The following SPATA17 variants were observed in gnomAD, a reference collection of about 807,000 sequenced individuals.
SPATA17 encodes spermatogenesis-associated protein 17.
Under a neutral mutation model 62.2 loss-of-function variants are expected in SPATA17, and 53 were observed. The observed-to-expected ratio is 0.85, with a 90% CI of 0.68 to 1.07. The LOEUF (loss-of-function observed/expected upper bound fraction) is 1.07, where lower values mean the gene tolerates loss of function less well. SPATA17 is among the 50% of genes least tolerant of loss of function. The probability of loss-of-function intolerance (pLI) is 0.00; values close to 1 mark genes in which losing one functional copy is unlikely to be tolerated. For missense variants in SPATA17, 466 were observed against 425.5 expected (o/e 1.10, Z -0.84); for synonymous variants, 146 against 146.8 (o/e 0.99, Z 0.04).
intron 5 of SPATA17, among the ~76,000 whole-genome samples, chr1:217,701,665 G>A (rs1379860954): frequency 6.6e-6 from 1 of 152,090 alleles, no homozygotes; most frequent in Non-Finnish European, 1.5e-5. Flanking sequence ...GTGACTAGAG[G>A]TGTGAGCCAT....
intron 3 of SPATA17, among the ~76,000 whole-genome samples, chr1:217,657,717 C>T (rs190730507): frequency 6.6e-6 from 1 of 152,248 alleles, no homozygotes; most frequent in Admixed American, 6.5e-5. Flanking sequence ...AATAGAACCT[C>T]CTCTAACTAA....
intron 6 of SPATA17, among the ~76,000 whole-genome samples, chr1:217,755,084 CAGAA>C (rs1245272204): frequency 2.0e-5 from 3 of 151,856 alleles, no homozygotes; most frequent in Non-Finnish European, 4.4e-5. Flanking sequence ...TTAAAATACA[CAGAA>C]AGTTTGCTTA....
At chr1:217,704,599 T>A (rs1671690200) in intron 5 of SPATA17, among the ~76,000 whole-genome samples, 1 of 152,194 alleles carries the variant, frequency 6.6e-6, no homozygotes. Flanking sequence ...CCCTTCTTTG[T>A]GTCCATATGT....
intron 5 of SPATA17, among the ~76,000 whole-genome samples, chr1:217,709,977 G>A (rs1671820598): frequency 2.0e-5 from 3 of 152,000 alleles, no homozygotes; most frequent in Non-Finnish European, 1.5e-5. Flanking sequence ...TCTATCTTTG[G>A]GGGTTAAATC....
intron 3 of SPATA17, among the ~76,000 whole-genome samples, chr1:217,652,944 ACCCAGAACTGTGATTGG>A (rs369018332): frequency 5.9e-5 from 9 of 152,200 alleles, no homozygotes; most frequent in African/African-American, 1.9e-4. Flanking sequence ...TACGTAAAAT[ACCCAGAACTGTGATTGG>A]CACCTAGTCG....
At chr1:217,729,756 T>C (rs1009528639) in intron 5 of SPATA17, among the ~76,000 whole-genome samples, 1 of 152,210 alleles carries the variant, frequency 6.6e-6, no homozygotes, top group Non-Finnish European at 1.5e-5. Flanking sequence ...ACATAATCCA[T>C]GTAATCACTT....
intron 9 of SPATA17, among the ~76,000 whole-genome samples, chr1:217,849,521 A>AAT (rs149312082): frequency 0.032 from 4,853 of 152,230 alleles, 256 homozygotes; most frequent in African/African-American, 0.11. Flanking sequence ...ATGAAAACTA[A>AAT]ATATATATAA....
chr1:217,727,035 G>A (rs1672278177), intron 5 of SPATA17, among the ~76,000 whole-genome samples: 1 of 151,736 alleles, frequency 6.6e-6, no homozygotes, highest in Non-Finnish European at 1.5e-5. Flanking sequence ...ATCACCTGAG[G>A]TCAGGAGTTA....
At chr1:217,782,888 C>G (rs1423659968) in intron 8 of SPATA17, among the ~76,000 whole-genome samples, 2 of 151,806 alleles carry the variant, frequency 1.3e-5, no homozygotes, top group African/African-American at 4.8e-5. Flanking sequence ...CTTTCTCTCT[C>G]TTAAGACACT....
intron 6 of SPATA17, among the ~76,000 whole-genome samples, chr1:217,772,980 G>A (rs1413313689): frequency 6.6e-6 from 1 of 151,900 alleles, no homozygotes; most frequent in East Asian, 1.9e-4. Context: ...GGGATGGGAC[G>A]TTGCATTTGG....
chr1:217,763,912 C>G (rs1673236682), intron 6 of SPATA17, among the ~76,000 whole-genome samples: 1 of 152,018 alleles, frequency 6.6e-6, no homozygotes, highest in Non-Finnish European at 1.5e-5. Flanking sequence ...AAAAAATAGG[C>G]TTTATATTTT....
chr1:217,747,548 C>T (rs543530159), intron 6 of SPATA17, among the ~76,000 whole-genome samples: 71 of 152,116 alleles, frequency 4.7e-4, no homozygotes, highest in African/African-American at 1.5e-3. Flanking sequence ...GAATTATACA[C>T]GGCAATAGTT....
chr1:217,650,656 TCAGGTGATCCAACCGCCTTGGCC>T (rs1441983053), intron 2 of SPATA17, among the ~76,000 whole-genome samples: 1 of 152,062 alleles, frequency 6.6e-6, no homozygotes, highest in Non-Finnish European at 1.5e-5. Flanking sequence ...ACTCCTAAGC[TCAGGTGATCCAACCGCCTTGGCC>T]TCCCAAAGTG....
At chr1:217,663,010 T>G (rs947647053) in intron 3 of SPATA17, among the ~76,000 whole-genome samples, 7 of 152,174 alleles carry the variant, frequency 4.6e-5, no homozygotes, top group African/African-American at 1.7e-4. Flanking sequence ...AATTTAAAAC[T>G]TTAACAACAC....
rs1016362184 is a variant in SPATA17 at position 217,685,090 on chromosome 1, A to G, written c.395+1729A>G. ...GGCTGACTTTAGCTTGTCAGGAGGA[A>G]GAGCTAGTAGAGTTTGCAAGGAGAA... On this transcript the variant is annotated intron_variant, in intron 5 of 10. Coordinates refer to ENST00000366933, the MANE Select transcript of SPATA17 (RefSeq NM_138796.4). Among the ~76,000 whole-genome samples, 37 of 131,862 alleles carry G rather than the reference A, an allele frequency of 2.8e-4. 1 individual carries two copies. The highest frequency in any genetic ancestry group is 1.0e-3 in the African/African-American group (34 of 33,322). 86.5% of individuals were successfully genotyped at this position (131,862 alleles called of 152,430 possible).
At chr1:217,775,817 T>G (rs1017293146) in intron 7 of SPATA17, among the ~76,000 whole-genome samples, 1 of 152,054 alleles carries the variant, frequency 6.6e-6, no homozygotes, top group Non-Finnish European at 1.5e-5. Context: ...ATAATAAACA[T>G]AAAGTAATTT....
At chr1:217,715,012 G>GT (rs1671970407) in intron 5 of SPATA17, among the ~76,000 whole-genome samples, 1 of 152,058 alleles carries the variant, frequency 6.6e-6, no homozygotes, top group South Asian at 2.1e-4. Flanking sequence ...TGAAACTAAA[G>GT]TATGTTGAAT....
At chr1:217,841,815 TA>T (rs1310557227) in intron 9 of SPATA17, among the ~76,000 whole-genome samples, 1 of 151,388 alleles carries the variant, frequency 6.6e-6, no homozygotes, top group East Asian at 2.0e-4. Flanking sequence ...TAAATTAAAT[TA>T]AATCTGATAT....
chr1:217,646,442 G>A (rs1012469374), intron 1 of SPATA17, among the ~76,000 whole-genome samples: 1 of 152,012 alleles, frequency 6.6e-6, no homozygotes, highest in Non-Finnish European at 1.5e-5. Context: ...ATGGTTTTAG[G>A]GAGATTGGTG....
Sources: gnomAD v4.1 joint callset for allele counts (sites outside exome capture counted in the v4.1 genomes callset) on GRCh38, gnomAD v4.1.1 for gene constraint, MANE v1.5 for transcripts, NCBI Gene and HGNC (gene_info 2026-07-23, HGNC 2026-07-21) for gene names.